KCNAB1: variants seen among roughly 807,000 people sequenced by gnomAD.
KCNAB1 encodes potassium voltage-gated channel subfamily A regulatory beta subunit 1.
KCNAB1 carries 35 observed loss-of-function variants against 64.6 expected under a neutral mutation model. That is an observed-to-expected ratio of 0.54 (90% CI 0.41 to 0.72). The LOEUF (loss-of-function observed/expected upper bound fraction) is 0.72, where lower values mean the gene tolerates loss of function less well. Among genes scored for constraint, KCNAB1 ranks in the 30% least tolerant of loss-of-function variants. KCNAB1 has a pLI of 0.00. For missense variants in KCNAB1, 401 were observed against 512.9 expected (o/e 0.78, Z 2.11); for synonymous variants, 177 against 183.8 (o/e 0.96, Z 0.30).
chr3:156,534,372 G>A (rs1363166805), intron 13 of KCNAB1, among the ~76,000 whole-genome samples: 1 of 152,114 alleles, frequency 6.6e-6, no homozygotes, highest in Non-Finnish European at 1.5e-5. Flanking sequence ...AACCACAGCT[G>A]CAGGCAGCCC....
At chr3:156,478,103 A>C (rs1268914289) in intron 8 of KCNAB1, among the ~76,000 whole-genome samples, 1 of 152,124 alleles carries the variant, frequency 6.6e-6, no homozygotes, top group Non-Finnish European at 1.5e-5. Context: ...TTAATTATTC[A>C]ATTTATTTTT....
rs562749578 is a variant in KCNAB1, at chr3:156,457,242, A to AC, written c.358-207dup. 56 of 1,353,662 alleles carry AC rather than the reference A, an allele frequency of 4.1e-5. 1 individual carries two copies. The South Asian group carries it at 6.5e-4, about 16-fold the overall frequency. 83.9% of individuals were successfully genotyped at this position (1,353,662 alleles called of 1,614,324 possible). The stretch of plus-strand genomic sequence containing the variant: ...CAGGCTAAATCCCAGCCTTCAAGTA[A>AC]CCCCTCAGTGCCCTATGTCTGAAGG... On this transcript the variant is annotated intron_variant, in intron 3 of 13. Coordinates refer to ENST00000490337, the MANE Select transcript of KCNAB1 (RefSeq NM_172160.3).
intron 1 of KCNAB1, among the ~76,000 whole-genome samples, chr3:156,135,778 A>G (rs1054440854): frequency 6.6e-6 from 1 of 152,206 alleles, no homozygotes; most frequent in Admixed American, 6.5e-5. Flanking sequence ...TCCAGACCCC[A>G]TAGAAATAAC....
At chr3:156,532,705 C>T (rs1718786153) in intron 13 of KCNAB1, among the ~76,000 whole-genome samples, 2 of 152,208 alleles carry the variant, frequency 1.3e-5, no homozygotes, top group Non-Finnish European at 2.9e-5. Context: ...TCTAACAACT[C>T]CCATATCCAG....
At chr3:156,451,693 T>C (rs1000135813) in intron 2 of KCNAB1, among the ~76,000 whole-genome samples, 1 of 152,180 alleles carries the variant, frequency 6.6e-6, no homozygotes, top group African/African-American at 2.4e-5. Flanking sequence ...GCTCTACTGC[T>C]CTCACTCCTG....
chr3:156,154,600 A>G (rs79577787), intron 1 of KCNAB1, among the ~76,000 whole-genome samples: 184 of 152,226 alleles, frequency 1.2e-3, no homozygotes, highest in African/African-American at 4.2e-3. Context: ...GGTATAGATC[A>G]GACTTTCCCA....
chr3:156,140,902 A>G (rs1191722902), intron 1 of KCNAB1, among the ~76,000 whole-genome samples: 1 of 152,122 alleles, frequency 6.6e-6, no homozygotes, highest in African/African-American at 2.4e-5. Flanking sequence ...GTGTGTGAAG[A>G]TTCATGTCAG....
intron 1 of KCNAB1, among the ~76,000 whole-genome samples, chr3:156,233,773 G>A (rs1040990724): frequency 6.6e-6 from 1 of 151,998 alleles, no homozygotes; most frequent in Non-Finnish European, 1.5e-5. Flanking sequence ...GGGAAGACTT[G>A]CTAATAGATT....
chr3:156,167,372 A>G (rs1020199078), intron 1 of KCNAB1, among the ~76,000 whole-genome samples: 1 of 152,168 alleles, frequency 6.6e-6, no homozygotes, highest in South Asian at 2.1e-4. Flanking sequence ...AGCCACACCC[A>G]CTACATGACA....
chr3:156,289,141 C>T (rs1326178713), intron 1 of KCNAB1, among the ~76,000 whole-genome samples: 2 of 152,210 alleles, frequency 1.3e-5, no homozygotes, highest in East Asian at 3.8e-4. Flanking sequence ...TCTGCTAGTT[C>T]TTGGCAAGGC....
At chr3:156,526,274 C>T (rs1222978401) in intron 12 of KCNAB1, among the ~76,000 whole-genome samples, 2 of 152,256 alleles carry the variant, frequency 1.3e-5, no homozygotes, top group South Asian at 2.1e-4. Flanking sequence ...ATGAGGAAAA[C>T]GCCTAACAAT....
chr3:156,465,377 G>C (rs1713286700), intron 6 of KCNAB1, among the ~76,000 whole-genome samples: 1 of 152,186 alleles, frequency 6.6e-6, no homozygotes, highest in African/African-American at 2.4e-5. Context: ...AATATGGACA[G>C]AGTGTACGTG....
Position 156,281,659 on chromosome 3 carries a change from T to G in KCNAB1, c.276-139957T>G, listed in dbSNP as rs1719735878. Among the ~76,000 whole-genome samples, 3 of 152,160 alleles carry G rather than the reference T, an allele frequency of 2.0e-5. No homozygotes were observed. The South Asian group carries it at 6.2e-4, about 32-fold the overall frequency. On this transcript the variant is annotated intron_variant, in intron 1 of 13. Coordinates refer to ENST00000490337, the MANE Select transcript of KCNAB1 (RefSeq NM_172160.3). ...AATTTCAGCTCCTGTTATTGGGCTA[T>G]TCAGAGATTCAACTTCTTCCTGGTT...
chr3:156,179,175 A>T (rs1373297549), intron 1 of KCNAB1, among the ~76,000 whole-genome samples: 1 of 151,698 alleles, frequency 6.6e-6, no homozygotes, highest in Admixed American at 6.6e-5. Context: ...ATTGAAATTC[A>T]AGGAATATTT....
At chr3:156,379,827 T>A (rs185183472) in intron 1 of KCNAB1, among the ~76,000 whole-genome samples, 1 of 152,252 alleles carries the variant, frequency 6.6e-6, no homozygotes, top group Admixed American at 6.5e-5. Context: ...GGAGGTGGTT[T>A]CAATGATCTA....
intron 1 of KCNAB1, among the ~76,000 whole-genome samples, chr3:156,299,987 G>T (rs1196467945): frequency 6.6e-6 from 1 of 152,120 alleles, no homozygotes; most frequent in Non-Finnish European, 1.5e-5. Context: ...GTTGTCTATT[G>T]CCTGGACTCC....
At chr3:156,459,206 G>A (rs1173781152) in intron 4 of KCNAB1, among the ~76,000 whole-genome samples, 1 of 152,154 alleles carries the variant, frequency 6.6e-6, no homozygotes, top group Non-Finnish European at 1.5e-5. Flanking sequence ...TGGGTAGGTG[G>A]AAGAGGAGAG....
intron 1 of KCNAB1, among the ~76,000 whole-genome samples, chr3:156,271,722 A>G (rs1719048975): frequency 3.3e-5 from 5 of 152,120 alleles, no homozygotes; most frequent in Admixed American, 3.3e-4. Context: ...TGGTGACGTC[A>G]TGTTTTTCTA....
intron 1 of KCNAB1, among the ~76,000 whole-genome samples, chr3:156,357,661 G>A (rs932805269): frequency 1.3e-5 from 2 of 151,948 alleles, no homozygotes; most frequent in Non-Finnish European, 2.9e-5. Flanking sequence ...AAAGAAACAG[G>A]TGAAATTAAT....
Sources: allele counts gnomAD v4.1 joint callset (sites outside exome capture counted in the v4.1 genomes callset), GRCh38; gene constraint gnomAD v4.1.1; transcripts MANE v1.5; gene names NCBI Gene and HGNC (gene_info 2026-07-23, HGNC 2026-07-21).